Variants in ATP1A3 observed in about 807,000 individuals in gnomAD.
The protein encoded by ATP1A3 is sodium/potassium-transporting ATPase subunit alpha-3.
A neutral mutation model predicts 108.8 loss-of-function variants in ATP1A3; 12 were observed. The observed-to-expected ratio is 0.11, with a 90% CI of 0.07 to 0.18. The LOEUF (loss-of-function observed/expected upper bound fraction) is 0.18. Ranked by LOEUF, ATP1A3 falls within the 10% of genes least tolerant of loss-of-function variation. ATP1A3 has a pLI of 1.00. For synonymous variants in ATP1A3, 539 were observed against 564.5 expected (o/e 0.95, Z 0.64); for missense variants, 498 against 1,387.7 (o/e 0.36, Z 10.19).
chr19:41,971,299 C>T (rs975920728), intron 16 of ATP1A3, among the ~76,000 whole-genome samples: 4 of 152,138 alleles, frequency 2.6e-5, no homozygotes, highest in Non-Finnish European at 4.4e-5. Context: ...ACCACATCGC[C>T]TTTGTGGAAA....
At chr19:41,971,602 T>C (rs2075110390) in intron 16 of ATP1A3, among the ~76,000 whole-genome samples, 2 of 152,186 alleles carry the variant, frequency 1.3e-5, no homozygotes, top group Admixed American at 6.5e-5. Context: ...ACTCCACAGC[T>C]GGACCTTGGA....
At chr19:41,993,742 C>G (rs1018563486) in intron 1 of ATP1A3, 59 of 602,540 alleles carry the variant, frequency 9.8e-5, no homozygotes, top group Middle Eastern at 4.4e-4. Context: ...CCCACACACT[C>G]GCTGCCAGGG....
chr19:41,972,650 A>G (rs192721453), intron 16 of ATP1A3, among the ~76,000 whole-genome samples: 7 of 151,686 alleles, frequency 4.6e-5, no homozygotes, highest in Admixed American at 4.6e-4. Flanking sequence ...CTGTAGTTCC[A>G]GCTATGTGGG....
chr19:41,988,160 A>C lies in ATP1A3; in HGVS notation c.154-21T>G, dbSNP rs2075303737. Reference sequence around the variant, plus strand: ...AAACCCTGAGGGACAGAGGACTCACACAGAACCCTCCCTGGGCAACCCTGG... The same window carrying C: ...AAACCCTGAGGGACAGAGGACTCACCCAGAACCCTCCCTGGGCAACCCTGG... On this transcript the variant is annotated intron_variant, in intron 3 of 22. Transcript: ENST00000648268. This position sits in a 1 kb window ranked among gnomAD's most constrained non-coding sequence, Gnocchi z 5.3. 2.5e-6 allele frequency: 4 copies of C among 1,614,048 alleles called. No individual in the cohort carries two copies. The African/African-American group carries it at 4.0e-5, about 16-fold the overall frequency.
chr19:41,992,066 T>TG (rs2075345176), intron 1 of ATP1A3, among the ~76,000 whole-genome samples: 1 of 61,324 alleles, frequency 1.6e-5, no homozygotes. Flanking sequence ...CCTGGACTCC[T>TG]GGTCTGAGGG....
chr19:41,980,581 T>C (rs113271328), intron 11 of ATP1A3, among the ~76,000 whole-genome samples: 5,480 of 151,290 alleles, frequency 0.036, 349 homozygotes, highest in African/African-American at 0.13. Context: ...CCACTGCCTT[T>C]TAGCCTGGGC....
rs2075271957 is a variant in ATP1A3 at position 41,984,910 on chromosome 19, G to C, written c.993+8C>G. The C allele has an allele frequency of 1.2e-6, 2 of 1,610,958 alleles. No individual in the cohort carries two copies. Among genetic ancestry groups the C allele is most frequent in the East Asian group, 4.5e-5 (2 of 44,828 alleles). On this transcript the variant is annotated splice_region_variant and intron_variant, in intron 8 of 22. Transcript: ENST00000648268. Reference sequence around the variant, plus strand: ...CCTCCCCACCCAGACCCAGGAGCCTGGCCTTACAGTGACAGTGGCCAGCAG... The same window carrying C: ...CCTCCCCACCCAGACCCAGGAGCCTCGCCTTACAGTGACAGTGGCCAGCAG...
chr19:41,993,053 T>A, intron 1 of ATP1A3: 1 of 24,302 alleles, frequency 4.1e-5, no homozygotes, highest in African/African-American at 1.7e-4. Flanking sequence ...ATCCCCCACC[T>A]CCATCCCTGG....
rs370234684 is a variant in ATP1A3 at position 41,988,915 on chromosome 19, C to G, written c.7-353G>C. Among the ~76,000 whole-genome samples the G allele has an allele frequency of 7.9e-5, 12 of 152,222 alleles. No homozygotes were observed. The East Asian group carries it at 9.7e-4, about 12-fold the overall frequency. ...TGTTTCTGTGCCCATCTTTGCGGGG[C>G]TCTCCCCTTTTGTGTTCTGTGTCTA... On this transcript the variant is annotated intron_variant, in intron 1 of 22. Transcript: ENST00000648268. The surrounding 1 kb of genome is among the most constrained non-coding windows in gnomAD (Gnocchi z 5.3).
chr19:41,980,342 G>A (rs1555862867), intron 11 of ATP1A3, among the ~76,000 whole-genome samples: 2 of 152,362 alleles, frequency 1.3e-5, no homozygotes, highest in South Asian at 2.1e-4. Flanking sequence ...GGCCGGGCAT[G>A]ATGGCTTATG....
rs1371299485 is a variant in ATP1A3 at position 41,966,853 on chromosome 19, C to A, written c.*84G>T. 11 of 1,547,184 alleles carry A rather than the reference C, an allele frequency of 7.1e-6. No homozygotes were observed. In the Admixed American group the frequency reaches 1.6e-4, roughly 22 times the overall value. On this transcript the variant is annotated 3_prime_UTR_variant, in exon 23 of 23. Coordinates refer to ENST00000648268, the MANE Select transcript of ATP1A3 (RefSeq NM_152296.5). Reference sequence around the variant, plus strand: ...CACAGGAAGAGAGGGCTCCTCCCCCCAGAATACAAAATTGGGGGGACTGAC... The same window carrying A: ...CACAGGAAGAGAGGGCTCCTCCCCCAAGAATACAAAATTGGGGGGACTGAC...
intron 4 of ATP1A3, 86 bp from the exon 5 acceptor site, chr19:41,986,315 C>G (rs782628701): frequency 1.3e-5 from 18 of 1,358,704 alleles, no homozygotes; most frequent in Non-Finnish European, 1.9e-5. Context: ...GGGAAGGGAG[C>G]TTTGTGTCAG....
intron 16 of ATP1A3, among the ~76,000 whole-genome samples, chr19:41,972,839 A>C (rs1410820711): frequency 5.1e-5 from 7 of 137,392 alleles, no homozygotes; most frequent in African/African-American, 1.7e-4. Context: ...GGAAGGAAGG[A>C]AGGAAGGAAG....
At position 41,994,146 on chromosome 19, in the gene ATP1A3, T is replaced by A; in HGVS notation, c.-70A>T. 6.7e-7 allele frequency: 1 copy of A among 1,483,230 alleles called. No homozygotes were observed. Among genetic ancestry groups the A allele is most frequent in the Non-Finnish European group, 9.0e-7 (1 of 1,108,670 alleles). The allele number at this position is 1,483,230 out of a possible 1,614,324, so 91.9% of individuals were successfully genotyped here. A position where few individuals can be genotyped will look rare whatever the true frequency, so the allele number is the denominator to read the frequency against. The stretch of plus-strand genomic sequence containing the variant: ...CCTCGGGGCGGGCTCAGGCTCAGGC[T>A]TGGGCTGGGAGCCTCTGCAGCGCCC... On this transcript the variant is annotated 5_prime_UTR_variant, in exon 1 of 23. The change creates a new upstream start codon in the 5' untranslated region. Coordinates refer to ENST00000648268, the MANE Select transcript of ATP1A3 (RefSeq NM_152296.5).
At position 41,981,969 on chromosome 19, in the gene ATP1A3, T is replaced by C. The variant is rs143242360; in HGVS notation, c.1131A>G (p.Thr377=). 3.2e-5 allele frequency: 51 copies of C among 1,614,062 alleles called. No homozygotes were observed. The African/African-American group carries it at 3.2e-4, about 10-fold the overall frequency. Residue 377 remains threonine (T), a synonymous_variant, in exon 9 of 23, where the codon ACA becomes ACG. Transcript: ENST00000648268. The surrounding 1 kb of genome is among the most constrained non-coding windows in gnomAD (Gnocchi z 5.0). Reference sequence around the variant, plus strand: ...GGTTGTCAAACCACATGTGGGCGACTGTCATGCGGTTCTGAGTGAGGGTCC... The same window carrying C: ...GGTTGTCAAACCACATGTGGGCGACCGTCATGCGGTTCTGAGTGAGGGTCC... ...KTGTLTQNRM[T]VAHMWFDNQI...
chr19:41,984,901 C>A lies in ATP1A3; in HGVS notation c.993+17G>T, dbSNP rs781929494. 1.2e-6 allele frequency: 2 copies of A among 1,608,142 alleles called. No individual in the cohort carries two copies. Among genetic ancestry groups the A allele is most frequent in the Non-Finnish European group, 1.7e-6 (2 of 1,177,192 alleles). ...CCCCCAGGCCCTCCCCACCCAGACC[C>A]AGGAGCCTGGCCTTACAGTGACAGT... On this transcript the variant is annotated intron_variant, in intron 8 of 22. Coordinates refer to ENST00000648268, the MANE Select transcript of ATP1A3 (RefSeq NM_152296.5).
intron 17 of ATP1A3, 25 bp from the exon 18 acceptor site, chr19:41,970,333 C>A (rs201886477): frequency 6.2e-7 from 1 of 1,613,914 alleles, no homozygotes; most frequent in Non-Finnish European, 8.5e-7. Context: ...CCGGGTGAGC[C>A]GGAGAGGGGA....
At position 41,967,225 on chromosome 19, in the gene ATP1A3, G is replaced by A. The variant is rs372133843; in HGVS notation, c.3013+24C>T. ...GACCCTGCTGCCCCCCGCCCCCCTCGGCTGCCTTGCCGAGCTCCCTCACCC... is the reference window on the plus strand; with the variant it reads ...GACCCTGCTGCCCCCCGCCCCCCTCAGCTGCCTTGCCGAGCTCCCTCACCC... On this transcript the variant is annotated intron_variant, in intron 22 of 22. Coordinates refer to ENST00000648268, the MANE Select transcript of ATP1A3 (RefSeq NM_152296.5). This position sits in a 1 kb window ranked among gnomAD's most constrained non-coding sequence, Gnocchi z 4.2. The A allele has an allele frequency of 3.0e-5, 48 of 1,613,764 alleles. No individual in the cohort carries two copies. Among genetic ancestry groups the A allele is most frequent in the South Asian group, 7.7e-5 (7 of 91,076 alleles).
Position 41,967,684 on chromosome 19 carries a change from C to T in ATP1A3, c.2899G>A (p.Ala967Thr). The T allele has an allele frequency of 6.2e-7, 1 of 1,613,972 alleles. No homozygotes were observed. Among genetic ancestry groups the T allele is most frequent in the Non-Finnish European group, 8.5e-7 (1 of 1,179,962 alleles). The change falls in exon 21 of 23, where the codon GCC becomes ACC. Residue 967 changes from alanine to threonine, a missense_variant. Ala to Thr is a moderately conservative substitution (Grantham distance 58). Around this residue, in one of 9 missense-constraint regions of ATP1A3, gnomAD observed 121 missense variants for 425.1 expected, o/e 0.28. Transcript: ENST00000648268. The surrounding 1 kb of genome is among the most constrained non-coding windows in gnomAD (Gnocchi z 4.2). ...CACTTGAGAGGGTACATGCGCAGGG[C>T]CACGTCCATGCCGGGGCAGTAGGAC... ...FLSYCPGMDV[A>T]LRMYPLKPSW...
Sources: allele counts gnomAD v4.1 joint callset (sites outside exome capture counted in the v4.1 genomes callset), GRCh38; gene constraint gnomAD v4.1.1; regional missense constraint gnomAD v4.1.1; non-coding constraint Gnocchi (gnomAD v3.1); transcripts MANE v1.5; gene names NCBI Gene and HGNC (gene_info 2026-07-23, HGNC 2026-07-21).